The following MAST4 variants were observed in gnomAD, a reference collection of about 807,000 sequenced individuals.
MAST4 encodes the protein microtubule-associated serine/threonine-protein kinase 4.
A neutral mutation model predicts 162.7 loss-of-function variants in MAST4; 89 were observed. That is an observed-to-expected ratio of 0.55 (90% CI 0.46 to 0.65). MAST4 has a LOEUF of 0.65. MAST4 is among the 30% of genes least tolerant of loss of function. The pLI, the probability that MAST4 is intolerant of heterozygous loss-of-function variation, is 0.00. For synonymous variants in MAST4, 1,479 were observed against 1,361.1 expected, an observed-to-expected ratio of 1.09 and a Z score of -1.91; for missense variants, 3,153 against 3,374.0, an observed-to-expected ratio of 0.93 and a Z score of 1.62.
intron 4 of MAST4, among the ~76,000 whole-genome samples, chr5:66,962,181 C>T (rs1303897215): frequency 6.6e-6 from 1 of 152,196 alleles, no homozygotes; most frequent in Non-Finnish European, 1.5e-5. Context: ...CTTGAATCAA[C>T]CAAAATGCAG....
intron 1 of MAST4, among the ~76,000 whole-genome samples, chr5:66,709,641 A>G (rs1750368494): frequency 6.6e-6 from 1 of 152,172 alleles, no homozygotes; most frequent in South Asian, 2.1e-4. Context: ...TAAAGGCCAA[A>G]TTGGCATTCT....
rs1764392734 is a variant in MAST4 at position 66,919,919 on chromosome 5, TC to T, written c.674+19939del. 1.7e-4 allele frequency among the ~76,000 whole-genome samples: 4 copies of T among 24,032 alleles called. No homozygotes were observed. The South Asian group carries it at 7.5e-3, about 45-fold the overall frequency. The allele number at this position is 24,032 out of a possible 152,430, so 15.8% of individuals were successfully genotyped here. On this transcript the variant is annotated intron_variant, in intron 4 of 28. Coordinates refer to ENST00000403625, the MANE Select transcript of MAST4 (RefSeq NM_001164664.2). ...CTCTCTCCTTCCTTCCTTCCTTCCT[TC>T]CTTCCTTCCTTCCTTCCTTCCTTCC...
intron 4 of MAST4, among the ~76,000 whole-genome samples, chr5:66,903,408 A>G (rs924907731): frequency 5.9e-5 from 9 of 151,596 alleles, no homozygotes; most frequent in Non-Finnish European, 1.3e-4. Flanking sequence ...AATTTGAATA[A>G]CAATGATGTA....
chr5:66,888,205 G>C (rs1275939576), intron 3 of MAST4, among the ~76,000 whole-genome samples: 1 of 151,988 alleles, frequency 6.6e-6, no homozygotes, highest in Non-Finnish European at 1.5e-5. Context: ...ACCATTAGAG[G>C]CTTAAGTTTA....
At position 67,060,476 on chromosome 5, in the gene MAST4, T is replaced by A. The variant is rs1759426764; in HGVS notation, c.763+5984T>A. Among the ~76,000 whole-genome samples the A allele has an allele frequency of 1.1e-4, 5 of 46,136 alleles. No individual in the cohort carries two copies. In the South Asian group the frequency reaches 3.5e-3, roughly 33 times the overall value. The allele number at this position is 46,136 out of a possible 152,430, so 30.3% of individuals were successfully genotyped here. A position where few individuals can be genotyped will look rare whatever the true frequency, so the allele number is the denominator to read the frequency against. On this transcript the variant is annotated intron_variant, in intron 5 of 28. Coordinates refer to ENST00000403625, the MANE Select transcript of MAST4 (RefSeq NM_001164664.2). ...AGAGATACTCCTGGGAGTATCACAA[T>A]TTTTTTTTTTTTTTTTTTTTTGAGA... is the stretch of plus-strand genomic sequence containing the variant.
At chr5:66,796,884 T>A (rs922078677) in intron 3 of MAST4, among the ~76,000 whole-genome samples, 1 of 152,146 alleles carries the variant, frequency 6.6e-6, no homozygotes, top group African/African-American at 2.4e-5. Flanking sequence ...TGGTCTGTGG[T>A]TAGTACTTAG....
chr5:66,979,104 G>A (rs761155272), intron 4 of MAST4, among the ~76,000 whole-genome samples: 2 of 152,230 alleles, frequency 1.3e-5, no homozygotes, highest in East Asian at 1.9e-4. Context: ...TAGAAGCAGG[G>A]ATAACAATCC....
chr5:66,967,847 T>C (rs974479706), intron 4 of MAST4, among the ~76,000 whole-genome samples: 2 of 152,096 alleles, frequency 1.3e-5, no homozygotes, highest in African/African-American at 4.8e-5. Context: ...TTAAGTGGAA[T>C]TTATGTACAA....
intron 1 of MAST4, among the ~76,000 whole-genome samples, chr5:66,746,645 C>A (rs370983105): frequency 6.6e-6 from 1 of 152,256 alleles, no homozygotes; most frequent in East Asian, 1.9e-4. Context: ...TATTCTCTTC[C>A]TGCTTGTTAA....
intron 5 of MAST4, among the ~76,000 whole-genome samples, chr5:67,060,235 C>T (rs564416783): frequency 3.3e-5 from 5 of 152,254 alleles, no homozygotes; most frequent in East Asian, 1.9e-4. Context: ...TATATCAGTT[C>T]CACTCCCCTC....
At chr5:66,894,889 C>T (rs1762582806) in intron 3 of MAST4, among the ~76,000 whole-genome samples, 1 of 152,054 alleles carries the variant, frequency 6.6e-6, no homozygotes, top group South Asian at 2.1e-4. Flanking sequence ...CTTTTTCCTG[C>T]CCACTTGGAA....
chr5:66,883,755 C>G (rs1033615403), intron 3 of MAST4, among the ~76,000 whole-genome samples: 1 of 152,094 alleles, frequency 6.6e-6, no homozygotes, highest in African/African-American at 2.4e-5. Context: ...TGGTAACACT[C>G]CTTATTTTCT....
intron 1 of MAST4, among the ~76,000 whole-genome samples, chr5:66,658,939 T>C (rs764323637): frequency 1.3e-5 from 2 of 152,112 alleles, no homozygotes; most frequent in Admixed American, 6.5e-5. Context: ...GGAGGGTTGC[T>C]TGAGTCCAGG....
chr5:66,881,725 C>T (rs1302286047), intron 3 of MAST4, among the ~76,000 whole-genome samples: 3 of 152,116 alleles, frequency 2.0e-5, no homozygotes, highest in Non-Finnish European at 2.9e-5. Context: ...GTGAAAAGAT[C>T]ACAGACAAGG....
At chr5:66,727,647 G>C (rs1393551390) in intron 1 of MAST4, among the ~76,000 whole-genome samples, 1 of 152,194 alleles carries the variant, frequency 6.6e-6, no homozygotes, top group East Asian at 1.9e-4. Flanking sequence ...TGCACACAAG[G>C]ATGGTTATTT....
intron 1 of MAST4, among the ~76,000 whole-genome samples, chr5:66,726,362 C>A (rs1348301057): frequency 6.6e-6 from 1 of 152,048 alleles, no homozygotes; most frequent in Non-Finnish European, 1.5e-5. Context: ...TTCCAGCAAG[C>A]CTCTCTAGAA....
chr5:67,025,200 TGAAA>T (rs983246366), intron 4 of MAST4, among the ~76,000 whole-genome samples: 3 of 152,168 alleles, frequency 2.0e-5, no homozygotes, highest in African/African-American at 4.8e-5. Context: ...CCAATTATAA[TGAAA>T]GAGTCATGAA....
At chr5:66,648,879 T>C (rs1343586178) in intron 1 of MAST4, among the ~76,000 whole-genome samples, 1 of 152,172 alleles carries the variant, frequency 6.6e-6, no homozygotes, top group Non-Finnish European at 1.5e-5. Context: ...TGATGTTTTA[T>C]GTTTATGACC....
chr5:67,163,039 C>A lies in MAST4; in HGVS notation c.3968-108C>A. 1 of 1,285,720 alleles carries A rather than the reference C, an allele frequency of 7.8e-7. No individual in the cohort carries two copies. Among genetic ancestry groups the A allele is most frequent in the Non-Finnish European group, 1.1e-6 (1 of 930,692 alleles). 79.6% of individuals were successfully genotyped at this position (1,285,720 alleles called of 1,614,324 possible). ...TTATTCCACTAGCTAAATGCTGAGA[C>A]AATTTGCTGATCTTACCTGGCCTTA... On this transcript the variant is annotated intron_variant, in intron 28 of 28. Coordinates refer to ENST00000403625, the MANE Select transcript of MAST4 (RefSeq NM_001164664.2). This position sits in a 1 kb window ranked among gnomAD's most constrained non-coding sequence, Gnocchi z 7.0.
Sources: allele counts gnomAD v4.1 joint callset (sites outside exome capture counted in the v4.1 genomes callset), GRCh38; gene constraint gnomAD v4.1.1; non-coding constraint Gnocchi (gnomAD v3.1); transcripts MANE v1.5; gene names NCBI Gene and HGNC (gene_info 2026-07-23, HGNC 2026-07-21).